CORO1C: variants seen among roughly 807,000 people sequenced by gnomAD.
The protein encoded by CORO1C is coronin 1C.
CORO1C carries 14 observed loss-of-function variants against 51.2 expected under a neutral mutation model. The observed-to-expected ratio is 0.27, with a 90% CI of 0.18 to 0.43. The LOEUF (loss-of-function observed/expected upper bound fraction) is 0.43, where lower values mean the gene tolerates loss of function less well. CORO1C is among the 20% of genes least tolerant of loss of function. CORO1C has a pLI of 1.00. For synonymous variants in CORO1C, 181 were observed against 210.5 expected (o/e 0.86, Z 1.21); for missense variants, 417 against 607.8 (o/e 0.69, Z 3.30).
rs528068305 is a variant in CORO1C, at chr12:108,705,802, T to C, written c.-5-4479A>G. 1.8e-4 allele frequency among the ~76,000 whole-genome samples: 28 copies of C among 152,246 alleles called. No individual in the cohort carries two copies. The East Asian group carries it at 4.0e-3, about 22-fold the overall frequency. On this transcript the variant is annotated intron_variant, in intron 1 of 10. Transcript: ENST00000261401. ...AATCAAGTGGGATTTATCCTAGGAA[T>C]GCGAGGTTGGGTCAACATCTGAAAA...
intron 1 of CORO1C, among the ~76,000 whole-genome samples, chr12:108,725,590 G>A (rs182788868): frequency 2.4e-4 from 36 of 152,100 alleles, no homozygotes; most frequent in Admixed American, 9.2e-4. Flanking sequence ...GCACCCTCAC[G>A]GCCTCAGTTC....
At chr12:108,730,519 G>A (rs532860459) in intron 1 of CORO1C, 1 of 152,276 alleles carries the variant, frequency 6.6e-6, no homozygotes, top group Non-Finnish European at 1.5e-5. Context: ...CACCCTCCAC[G>A]TCTGACCTCA....
At chr12:108,674,333 G>T (rs1474221098) in intron 3 of CORO1C, among the ~76,000 whole-genome samples, 1 of 152,210 alleles carries the variant, frequency 6.6e-6, no homozygotes, top group Non-Finnish European at 1.5e-5. Context: ...CGGATCGCGA[G>T]ATCAGGAGAT....
In CORO1C at chr12:108,647,388, G is replaced by T. The variant is rs1341977517; in HGVS notation, c.*15C>A. 6.2e-7 allele frequency: 1 copy of T among 1,610,406 alleles called. No homozygotes were observed. Reference sequence around the variant, plus strand: ...TCTTGCTCCCATTTTTTCTGTAGGGGTGGGGGTGGGACCTTCAGGCTGCTA... The same window carrying T: ...TCTTGCTCCCATTTTTTCTGTAGGGTTGGGGGTGGGACCTTCAGGCTGCTA... On this transcript the variant is annotated 3_prime_UTR_variant, in exon 11 of 11. Coordinates refer to ENST00000261401, the MANE Select transcript of CORO1C (RefSeq NM_014325.4).
chr12:108,720,775 A>G (rs2035458764), intron 1 of CORO1C, among the ~76,000 whole-genome samples: 1 of 152,172 alleles, frequency 6.6e-6, no homozygotes, highest in Admixed American at 6.5e-5. Context: ...CACCCGCCTC[A>G]GCCTCCTAAA....
At chr12:108,713,604 G>A (rs1354433129) in intron 1 of CORO1C, among the ~76,000 whole-genome samples, 4 of 152,200 alleles carry the variant, frequency 2.6e-5, no homozygotes, top group African/African-American at 9.7e-5. Context: ...ACAGAGCTAG[G>A]CCTGGAGAGA....
intron 3 of CORO1C, among the ~76,000 whole-genome samples, chr12:108,675,268 G>C (rs2033865847): frequency 6.6e-6 from 1 of 152,160 alleles, no homozygotes; most frequent in African/African-American, 2.4e-5. Context: ...GAAATGGCTT[G>C]GGCAGGGATG....
chr12:108,663,376 C>T (rs535149157), intron 3 of CORO1C, among the ~76,000 whole-genome samples: 3 of 152,174 alleles, frequency 2.0e-5, no homozygotes, highest in Non-Finnish European at 4.4e-5. Context: ...AAAACTTGTA[C>T]AAGAATGTTC....
intron 8 of CORO1C, among the ~76,000 whole-genome samples, chr12:108,650,143 A>G (rs979307192): frequency 1.3e-5 from 2 of 151,228 alleles, no homozygotes; most frequent in African/African-American, 4.9e-5. Context: ...TTACTATTTC[A>G]ACCAAAAACT....
chr12:108,694,843 G>A (rs1240862660), intron 2 of CORO1C, among the ~76,000 whole-genome samples: 1 of 152,120 alleles, frequency 6.6e-6, no homozygotes, highest in African/African-American at 2.4e-5. Flanking sequence ...CTACCAGAAA[G>A]CCTTTTAAGT....
chr12:108,708,415 A>C (rs778745729), intron 1 of CORO1C, among the ~76,000 whole-genome samples: 3 of 152,126 alleles, frequency 2.0e-5, no homozygotes, highest in Non-Finnish European at 2.9e-5. Flanking sequence ...GAAAGTCCAG[A>C]ATAGGCAAAT....
At chr12:108,679,137 GAAAAAAGAAAAA>G (rs1183221430) in intron 2 of CORO1C, among the ~76,000 whole-genome samples, 6 of 38,564 alleles carry the variant, frequency 1.6e-4, no homozygotes, top group Admixed American at 3.1e-4. Context: ...AAAGAAACAA[GAAAAAAGAAAAA>G]AAAAAAGAAA....
intron 1 of CORO1C, among the ~76,000 whole-genome samples, chr12:108,707,326 G>A (rs1415055675): frequency 6.6e-6 from 1 of 152,276 alleles, no homozygotes; most frequent in East Asian, 1.9e-4. Context: ...TGTGGTACTG[G>A]AATAAGGACA....
chr12:108,686,972 T>A (rs1490897533), intron 2 of CORO1C, among the ~76,000 whole-genome samples: 1 of 152,230 alleles, frequency 6.6e-6, no homozygotes, highest in Non-Finnish European at 1.5e-5. Flanking sequence ...TGATGTCTTA[T>A]GAGCATGTTC....
chr12:108,674,086 C>T (rs916520742), intron 3 of CORO1C, among the ~76,000 whole-genome samples: 3 of 152,174 alleles, frequency 2.0e-5, no homozygotes, highest in African/African-American at 7.2e-5. Context: ...CCTTATCACC[C>T]AAGACCTCTG....
At chr12:108,715,651 C>A (rs1305995464) in intron 1 of CORO1C, among the ~76,000 whole-genome samples, 2 of 144,536 alleles carry the variant, frequency 1.4e-5, no homozygotes, top group Non-Finnish European at 3.0e-5. Flanking sequence ...CCCTCCCCCC[C>A]GCATACTCAC....
chr12:108,702,866 C>A (rs2136867350), intron 1 of CORO1C: 3 of 1,535,790 alleles, frequency 2.0e-6, no homozygotes, highest in East Asian at 2.4e-5. Flanking sequence ...AAGTAAGAGA[C>A]CCTTGGCAGG....
chr12:108,652,055 C>CTTTTTTTTTTTTTTTTTTTTTTTTT, intron 8 of CORO1C: 1 of 142,350 alleles, frequency 7.0e-6, no homozygotes, highest in African/African-American at 3.1e-5. Flanking sequence ...TTTTTCTTTT[C>CTTTTTTTTTTTTTTTTTTTTTTTTT]TTTTTTTTTT....
intron 2 of CORO1C, among the ~76,000 whole-genome samples, chr12:108,691,434 T>C (rs2034491328): frequency 6.6e-6 from 1 of 152,218 alleles, no homozygotes; most frequent in African/African-American, 2.4e-5. Flanking sequence ...TCAGATACCT[T>C]TCTTTACCGG....
Sources: gnomAD v4.1 joint callset for allele counts (sites outside exome capture counted in the v4.1 genomes callset) on GRCh38, gnomAD v4.1.1 for gene constraint, MANE v1.5 for transcripts, NCBI Gene and HGNC (gene_info 2026-07-23, HGNC 2026-07-21) for gene names.